STARD8: variants seen among roughly 807,000 people sequenced by gnomAD.
STARD8 encodes stAR-related lipid transfer protein 8.
STARD8 carries 25 observed loss-of-function variants against 69.4 expected under a neutral mutation model. The observed-to-expected ratio is 0.36, with a 90% confidence interval of 0.26 to 0.50. The LOEUF (loss-of-function observed/expected upper bound fraction) is 0.50, where lower values mean the gene tolerates loss of function less well. Ranked by LOEUF, STARD8 falls within the 20% of genes least tolerant of loss-of-function variation. STARD8 has a pLI of 0.96. For missense variants in STARD8, 921 were observed against 932.5 expected (o/e 0.99, Z 0.16); for synonymous variants, 389 against 374.6 (o/e 1.04, Z -0.45).
At chrX:68,691,980 A>G (rs2079879863) in intron 2 of STARD8, among the ~76,000 whole-genome samples, 2 of 112,539 alleles carry the variant, frequency 1.8e-5, no homozygotes, top group Admixed American at 9.4e-5. Context: ...CCTGGAGTGG[A>G]TGGAATTGGC....
chrX:68,686,502 C>T (rs1286353298), intron 2 of STARD8, among the ~76,000 whole-genome samples: 1 of 112,552 alleles, frequency 8.9e-6, no homozygotes, highest in Non-Finnish European at 1.9e-5. Context: ...GACGTGGACT[C>T]CGTGGGGTGT....
At chrX:68,652,907 C>T (rs1163514748) in intron 1 of STARD8, among the ~76,000 whole-genome samples, 1 of 22,127 alleles carries the variant, frequency 4.5e-5, no homozygotes, top group Non-Finnish European at 7.9e-5. Context: ...ACCACACACA[C>T]CACACCACAC....
intron 1 of STARD8, among the ~76,000 whole-genome samples, chrX:68,664,615 G>A (rs1176039052): frequency 8.9e-6 from 1 of 111,897 alleles, no homozygotes; most frequent in Admixed American, 9.4e-5. Context: ...TCTTTAGAGA[G>A]ACCCCTCAGG....
intron 2 of STARD8, among the ~76,000 whole-genome samples, chrX:68,705,638 A>G (rs1238126263): frequency 1.8e-5 from 2 of 112,494 alleles, no homozygotes; most frequent in African/African-American, 6.5e-5. Flanking sequence ...GAGGGGCCGG[A>G]GGCCCCAGAT....
chrX:68,667,587 C>T (rs1257454940), intron 2 of STARD8, among the ~76,000 whole-genome samples: 1 of 111,209 alleles, frequency 9.0e-6, no homozygotes, highest in Non-Finnish European at 1.9e-5. Context: ...CCCCAACCAC[C>T]CAGCAGTCCT....
intron 2 of STARD8, among the ~76,000 whole-genome samples, chrX:68,668,272 T>C (rs865781397): frequency 5.1e-4 from 37 of 72,839 alleles, no homozygotes; most frequent in African/African-American, 1.1e-3. Flanking sequence ...CTTTCTTTCT[T>C]TCTCTTTCTT....
At chrX:68,651,544 A>G (rs765669275) in intron 1 of STARD8, among the ~76,000 whole-genome samples, 6 of 111,614 alleles carry the variant, frequency 5.4e-5, no homozygotes, top group Non-Finnish European at 1.1e-4. Context: ...GGGGTGGGGA[A>G]TGGCCGGGAC....
At chrX:68,651,940 C>T (rs2079550236) in intron 1 of STARD8, among the ~76,000 whole-genome samples, 1 of 107,443 alleles carries the variant, frequency 9.3e-6, no homozygotes, top group Non-Finnish European at 1.9e-5. Flanking sequence ...CTCCACCTCC[C>T]GGGTTCAAGC....
At chrX:68,671,770 T>C (rs2079729862) in intron 2 of STARD8, among the ~76,000 whole-genome samples, 1 of 111,752 alleles carries the variant, frequency 8.9e-6, no homozygotes, top group Admixed American at 9.5e-5. Flanking sequence ...GTCGCCCACA[T>C]CTCAAGGCAG....
intron 2 of STARD8, among the ~76,000 whole-genome samples, chrX:68,669,363 A>G (rs2147884214): frequency 9.0e-6 from 1 of 111,671 alleles, no homozygotes; most frequent in South Asian, 3.8e-4. Context: ...TCTAACTATA[A>G]AATGAATAGC....
At position 68,718,267 on chromosome X, in the gene STARD8, G is replaced by A. The variant is rs759455661; in HGVS notation, c.1353G>A (p.Glu451=). ...LSQMEVPAHG[E]SPAWAQAEVQ... Reference sequence around the variant, plus strand: ...AGATGGAGGTTCCGGCCCATGGAGAGTCCCCAGCCTGGGCCCAGGCTGAAG... The same window carrying A: ...AGATGGAGGTTCCGGCCCATGGAGAATCCCCAGCCTGGGCCCAGGCTGAAG... The change falls in exon 6 of 15, where the codon GAG becomes GAA. Residue 451 remains glutamate (E), a synonymous_variant. Transcript: ENST00000374599. 2.5e-6 allele frequency: 3 copies of A among 1,211,222 alleles called. No homozygotes were observed. The highest frequency in any genetic ancestry group is 4.3e-5 in the Admixed American group (2 of 46,049).
intron 14 of STARD8, 63 bp downstream of exon 14, chrX:68,724,184 C>T: frequency 8.5e-7 from 1 of 1,178,561 alleles, no homozygotes. Flanking sequence ...TGCCTCTGCC[C>T]CTACTTTCTG....
At chrX:68,652,880 C>CACACACACACACCA (rs1569350778) in intron 1 of STARD8, among the ~76,000 whole-genome samples, 1 of 55,121 alleles carries the variant, frequency 1.8e-5, no homozygotes, top group African/African-American at 7.3e-5. Context: ...CACCCACACC[C>CACACACACACACCA]CACACACACA....
chrX:68,651,340 T>G (rs2079547114), intron 1 of STARD8, among the ~76,000 whole-genome samples: 1 of 112,801 alleles, frequency 8.9e-6, no homozygotes, highest in Non-Finnish European at 1.9e-5. Flanking sequence ...TGGCTGGATC[T>G]CAGGGCTAAG....
At position 68,676,159 on chromosome X, in the gene STARD8, A is replaced by G. The variant is rs769490455; in HGVS notation, c.79+10627A>G. Among the ~76,000 whole-genome samples the G allele has an allele frequency of 2.7e-5, 3 of 112,441 alleles. No individual in the cohort carries two copies. In the South Asian group the frequency reaches 1.1e-3, roughly 42 times the overall value. ...ATCATGGATGGGTGAAAAAGTTCAA[A>G]GCAATTGTGGGGCAGGAGACGGGCC... On this transcript the variant is annotated intron_variant, in intron 2 of 14. Transcript: ENST00000374599.
chrX:68,699,208 G>A (rs749553934), intron 2 of STARD8, among the ~76,000 whole-genome samples: 7 of 111,660 alleles, frequency 6.3e-5, no homozygotes, highest in Admixed American at 3.8e-4. Flanking sequence ...GGCCTAGCCA[G>A]CTCCAGTCAC....
At chrX:68,705,437 G>A (rs1210306508) in intron 2 of STARD8, among the ~76,000 whole-genome samples, 7 of 112,448 alleles carry the variant, frequency 6.2e-5, no homozygotes, top group East Asian at 5.6e-4. Context: ...GGAGAGGAGC[G>A]GGGAACCACA....
intron 12 of STARD8, among the ~76,000 whole-genome samples, chrX:68,722,886 G>T (rs2080164018): frequency 8.9e-6 from 1 of 112,708 alleles, no homozygotes; most frequent in African/African-American, 3.2e-5. Flanking sequence ...CAAAAGCCCC[G>T]TTCCAGATAC....
intron 7 of STARD8, 54 bp downstream of exon 7, chrX:68,719,452 C>A: frequency 9.1e-7 from 1 of 1,101,845 alleles, no homozygotes; most frequent in African/African-American, 1.8e-5. Flanking sequence ...AGGTCCACGT[C>A]CCCAGGCAGG....
Sources: allele counts gnomAD v4.1 joint callset (sites outside exome capture counted in the v4.1 genomes callset), GRCh38; gene constraint gnomAD v4.1.1; transcripts MANE v1.5; gene names NCBI Gene and HGNC (gene_info 2026-07-23, HGNC 2026-07-21).